Variants in ZDHHC21 observed in about 807,000 individuals in gnomAD.
The protein encoded by ZDHHC21 is zDHHC palmitoyltransferase 21, also known as palmitoyltransferase ZDHHC21.
ZDHHC21 carries 15 observed loss-of-function variants against 34.6 expected under a neutral mutation model. That is an observed-to-expected ratio of 0.43 (90% CI 0.29 to 0.67). The LOEUF is 0.67. Ranked by LOEUF, ZDHHC21 falls within the 30% of genes least tolerant of loss-of-function variation. The pLI, the probability that ZDHHC21 is intolerant of heterozygous loss-of-function variation, is 0.14. For missense variants in ZDHHC21, 344 were observed against 327.7 expected (o/e 1.05, Z -0.38); for synonymous variants, 142 against 101.8 (o/e 1.40, Z -2.38).
rs76399860 is a variant in ZDHHC21, at chr9:14,690,364, G to C, written c.-203C>G. Reference sequence around the variant, plus strand: ...GCTTGCTGAAGCTGAAAATCCTGCAGTAAGTGAAAAAGTTCTTCATTCTGT... The same window carrying C: ...GCTTGCTGAAGCTGAAAATCCTGCACTAAGTGAAAAAGTTCTTCATTCTGT... On this transcript the variant is annotated 5_prime_UTR_variant, in exon 2 of 10. It introduces an in-frame stop codon into an upstream open reading frame of the 5' UTR. Coordinates refer to ENST00000380916, the MANE Select transcript of ZDHHC21 (RefSeq NM_178566.6). The C allele has an allele frequency of 9.7e-3, 4,421 of 455,966 alleles. 63 individuals carry two copies. The highest frequency in any genetic ancestry group is 0.027 in the South Asian group (1,759 of 64,378). 28.2% of individuals were successfully genotyped at this position (455,966 alleles called of 1,614,324 possible). A position where few individuals can be genotyped will look rare whatever the true frequency, so the allele number is the denominator to read the frequency against.
intron 2 of ZDHHC21, among the ~76,000 whole-genome samples, chr9:14,685,222 G>C (rs1232636239): frequency 1.3e-5 from 2 of 151,650 alleles, no homozygotes; most frequent in African/African-American, 4.8e-5. Context: ...TTAAACTAAA[G>C]AGCTTCTGCA....
rs541839662 is a variant in ZDHHC21 at position 14,665,675 on chromosome 9, G to C, written c.254-3349C>G. 4.1e-3 allele frequency among the ~76,000 whole-genome samples: 559 copies of C among 137,426 alleles called. 6 individuals carry two copies. Among genetic ancestry groups the C allele is most frequent in the Middle Eastern group, 0.014 (4 of 284 alleles). 90.2% of individuals were successfully genotyped at this position (137,426 alleles called of 152,430 possible). The stretch of plus-strand genomic sequence containing the variant: ...TCGGCAGAAACCCTACAAGCCAGAA[G>C]AGAGTGGGGGCCAATATTCAACATT... On this transcript the variant is annotated intron_variant, in intron 5 of 9. Coordinates refer to ENST00000380916, the MANE Select transcript of ZDHHC21 (RefSeq NM_178566.6).
chr9:14,688,329 A>C (rs1838660506), intron 2 of ZDHHC21, among the ~76,000 whole-genome samples: 1 of 150,862 alleles, frequency 6.6e-6, no homozygotes, highest in South Asian at 2.1e-4. Flanking sequence ...AGCGAAGGAG[A>C]GAGCAGAGGA....
the ZDHHC21 span, among the ~76,000 whole-genome samples, chr9:14,603,895 G>A: frequency 0.055 from 8,318 of 152,176 alleles, 750 homozygotes; most frequent in African/African-American, 0.19. Context: ...TATAGTCGTA[G>A]ATGTTGACTC....
downstream of ZDHHC21, among the ~76,000 whole-genome samples, chr9:14,607,158 T>C (rs1823038815): frequency 6.6e-6 from 1 of 151,324 alleles, no homozygotes; most frequent in Non-Finnish European, 1.5e-5. Flanking sequence ...ATATGAACTG[T>C]ACAGAAGAGG....
At chr9:14,603,486 A>C in the ZDHHC21 span, among the ~76,000 whole-genome samples, 1 of 152,122 alleles carries the variant, frequency 6.6e-6, no homozygotes, top group East Asian at 1.9e-4. Flanking sequence ...CTAAACAAAA[A>C]ATTGTTGTGG....
At position 14,618,921 on chromosome 9, in the gene ZDHHC21, G is replaced by A. The variant is rs764714413; in HGVS notation, c.*45C>T. 8 of 1,527,194 alleles carry A rather than the reference G, an allele frequency of 5.2e-6. No homozygotes were observed. Among genetic ancestry groups the A allele is most frequent in the African/African-American group, 2.8e-5 (2 of 71,710 alleles). 94.6% of individuals were successfully genotyped at this position (1,527,194 alleles called of 1,614,324 possible). On this transcript the variant is annotated 3_prime_UTR_variant, in exon 10 of 10. Transcript: ENST00000380916. ...GTTCTATTATCATAAAACCTGTAAC[G>A]CATTGCCAGCATGGAGGACCCATCT... is the stretch of plus-strand genomic sequence containing the variant.
rs138726750 is a variant in ZDHHC21 at position 14,663,684 on chromosome 9, A to G, written c.254-1358T>C. Reference sequence around the variant, plus strand: ...ACTACAGACATCTCTGAAGAAACAAAGTATGAATAAAACCTACATCAAATT... The same window carrying G: ...ACTACAGACATCTCTGAAGAAACAAGGTATGAATAAAACCTACATCAAATT... On this transcript the variant is annotated intron_variant, in intron 5 of 9. Transcript: ENST00000380916. Among the ~76,000 whole-genome samples, 1,059 of 152,290 alleles carry G rather than the reference A, an allele frequency of 7.0e-3. 44 individuals carry two copies. Among genetic ancestry groups the G allele is most frequent in the Admixed American group, 0.049 (756 of 15,298 alleles).
In ZDHHC21 at chr9:14,672,820, A is replaced by C. The variant is rs770791351; in HGVS notation, c.253+10T>G. ...GCATCAGCAAAACTGATAAATCCAG[A>C]GTACCATACCTCCATGTGGGATCTT... On this transcript the variant is annotated intron_variant, in intron 5 of 9. Coordinates refer to ENST00000380916, the MANE Select transcript of ZDHHC21 (RefSeq NM_178566.6). 2.5e-6 allele frequency: 4 copies of C among 1,585,272 alleles called. No homozygotes were observed. The highest frequency in any genetic ancestry group is 3.4e-6 in the Non-Finnish European group (4 of 1,160,872).
chr9:14,610,851 T>C (rs1463050437), downstream of ZDHHC21, among the ~76,000 whole-genome samples: 8 of 152,170 alleles, frequency 5.3e-5, no homozygotes, highest in East Asian at 1.2e-3. Context: ...CTAGAAATAC[T>C]GCGTTTGTCA....
chr9:14,639,806 GATTTCTA>G, intron 8 of ZDHHC21, 83 bp downstream of exon 8: 1 of 728,522 alleles, frequency 1.4e-6, no homozygotes, highest in Non-Finnish European at 2.1e-6. Flanking sequence ...TTTCTCCTTT[GATTTCTA>G]AACTTCCTAT....
In ZDHHC21 at chr9:14,639,906, C is replaced by A; in HGVS notation, c.611G>T (p.Gly204Val). Residue 204 changes from glycine to valine, a missense_variant, in exon 8 of 10, where the codon GGC becomes GTC. Transcript: ENST00000380916. ...ITGLFYTQLI[G>V]IITDTTSIEK... ...TAAAAATATACTTACTGTGATGATGCCAATTAGTTGAGTGTAAAAGAGTCC... is the reference window on the plus strand; with the variant it reads ...TAAAAATATACTTACTGTGATGATGACAATTAGTTGAGTGTAAAAGAGTCC... 6.4e-7 allele frequency: 1 copy of A among 1,562,076 alleles called. No homozygotes were observed. The highest frequency in any genetic ancestry group is 8.7e-7 in the Non-Finnish European group (1 of 1,147,362).
intron 5 of ZDHHC21, among the ~76,000 whole-genome samples, chr9:14,662,552 T>C (rs750457488): frequency 6.6e-6 from 1 of 152,228 alleles, no homozygotes; most frequent in Non-Finnish European, 1.5e-5. Context: ...AATAAGACAC[T>C]ATTGTTATAG....
chr9:14,601,388 T>C, the ZDHHC21 span, among the ~76,000 whole-genome samples: 1 of 151,662 alleles, frequency 6.6e-6, no homozygotes, highest in Non-Finnish European at 1.5e-5. Context: ...AACAGACACA[T>C]GAAAAAAAGG....
chr9:14,684,618 C>T (rs920945324), intron 2 of ZDHHC21, among the ~76,000 whole-genome samples: 4 of 151,744 alleles, frequency 2.6e-5, no homozygotes, highest in Non-Finnish European at 4.4e-5. Flanking sequence ...ATGAAAATGG[C>T]CATACTGCCC....
At chr9:14,620,368 G>A (rs532980107) in intron 8 of ZDHHC21, among the ~76,000 whole-genome samples, 1 of 151,828 alleles carries the variant, frequency 6.6e-6, no homozygotes, top group East Asian at 1.9e-4. Flanking sequence ...TCATTAGACT[G>A]GCAAATTGTT....
rs966043027 is a variant in ZDHHC21, at chr9:14,612,583, A to G, written c.*6383T>C. ...TAAAAATCTTACTCTATGTAAAGTG[A>G]GTAACCATATCCAGACTTTTTTCTT... is the stretch of plus-strand genomic sequence containing the variant. On this transcript the variant is annotated 3_prime_UTR_variant, in exon 10 of 10. Coordinates refer to ENST00000380916, the MANE Select transcript of ZDHHC21 (RefSeq NM_178566.6). 2 of 151,918 alleles carry G rather than the reference A, an allele frequency of 1.3e-5. No homozygotes were observed. Among genetic ancestry groups the G allele is most frequent in the Non-Finnish European group, 2.9e-5 (2 of 67,890 alleles). The allele number at this position is 151,918 out of a possible 1,614,324, so 9.4% of individuals were successfully genotyped here.
chr9:14,643,370 C>A (rs1829741728), intron 7 of ZDHHC21, among the ~76,000 whole-genome samples: 1 of 152,148 alleles, frequency 6.6e-6, no homozygotes, highest in African/African-American at 2.4e-5. Context: ...CTCCCTCACC[C>A]CTACCCTAAA....
In ZDHHC21 at chr9:14,692,898, A is replaced by AAAAT. The variant is rs569015104; in HGVS notation, c.-225+327_-225+330dup. On this transcript the variant is annotated intron_variant, in intron 1 of 9. Coordinates refer to ENST00000380916, the MANE Select transcript of ZDHHC21 (RefSeq NM_178566.6). ...AGCGAGAAACTCAGGATACAGATTT[A>AAAAT]AAATAAATAAATAAATAACTAGCCA... 3.6e-4 allele frequency among the ~76,000 whole-genome samples: 55 copies of AAAAT among 152,074 alleles called. 1 individual carries two copies. The South Asian group carries it at 0.01, about 29-fold the overall frequency.
Sources: gnomAD v4.1 joint callset for allele counts (sites outside exome capture counted in the v4.1 genomes callset) on GRCh38, gnomAD v4.1.1 for gene constraint, MANE v1.5 for transcripts, NCBI Gene and HGNC (gene_info 2026-07-23, HGNC 2026-07-21) for gene names.